GOLGA3: variants seen among roughly 807,000 people sequenced by gnomAD.
The protein encoded by GOLGA3 is golgin subfamily A member 3.
A neutral mutation model predicts 169.4 loss-of-function variants in GOLGA3; 75 were observed. The ratio of observed to expected loss-of-function variants is 0.44; its 90% confidence interval spans 0.37 to 0.54. The LOEUF (loss-of-function observed/expected upper bound fraction) is 0.54. Among genes scored for constraint, GOLGA3 ranks in the 20% least tolerant of loss-of-function variants. GOLGA3 has a pLI of 0.00. For synonymous variants in GOLGA3, 824 were observed against 822.4 expected (o/e 1.00, Z -0.03); for missense variants, 1,899 against 1,930.0 (o/e 0.98, Z 0.30).
intron 22 of GOLGA3, 157 bp downstream of exon 22, chr12:132,774,984 C>T (rs2045140627): frequency 1.7e-6 from 1 of 599,136 alleles, no homozygotes. Flanking sequence ...GAAATGATTT[C>T]ATCTGTCACC....
chr12:132,776,738 C>G lies in GOLGA3; in HGVS notation c.3874G>C (p.Glu1292Gln). Residue 1292 changes from glutamate (E) to glutamine (Q), a missense_variant, in exon 21 of 24, where the codon GAG becomes CAG. Transcript: ENST00000450791. ...GNQEMENLKWEVDQKEREIQS... is the reference protein window; with the variant it reads ...GNQEMENLKWQVDQKEREIQS... ...ATTTCTCTTTCTTTCTGATCCACCT[C>G]CCATTTGAGATTTTCCATCTAAAGA... 1 of 1,614,088 alleles carries G rather than the reference C, an allele frequency of 6.2e-7. No individual in the cohort carries two copies. The highest frequency in any genetic ancestry group is 8.5e-7 in the Non-Finnish European group (1 of 1,180,022).
intron 8 of GOLGA3, among the ~76,000 whole-genome samples, chr12:132,801,510 C>A (rs1402168880): frequency 6.6e-6 from 1 of 152,066 alleles, no homozygotes; most frequent in Non-Finnish European, 1.5e-5. Flanking sequence ...GTCACCATGC[C>A]CAGCAAGAGA....
chr12:132,824,574 C>G (rs778017228), intron 1 of GOLGA3, among the ~76,000 whole-genome samples: 8 of 152,154 alleles, frequency 5.3e-5, no homozygotes, highest in Non-Finnish European at 1.2e-4. Flanking sequence ...GTGCCTGGCA[C>G]ATAAAAATAT....
In GOLGA3 at chr12:132,804,187, G is replaced by A. The variant is rs1464858538; in HGVS notation, c.1597+529C>T. ...GCACTGCATCCAGGGAGAAAAGGTT[G>A]CCAGACGGACAGTCAAGGAGCTGTT... On this transcript the variant is annotated intron_variant, in intron 7 of 23. Transcript: ENST00000450791. The surrounding 1 kb of genome is among the most constrained non-coding windows in gnomAD (Gnocchi z 4.1). Among the ~76,000 whole-genome samples the A allele has an allele frequency of 6.6e-6, 1 of 152,224 alleles. No homozygotes were observed. The highest frequency in any genetic ancestry group is 2.4e-5 in the African/African-American group (1 of 41,448).
chr12:132,807,543 A>C (rs774096977), intron 5 of GOLGA3, among the ~76,000 whole-genome samples: 3 of 152,220 alleles, frequency 2.0e-5, no homozygotes, highest in Non-Finnish European at 4.4e-5. Flanking sequence ...TGACAAGTCT[A>C]TGTAAACGGG....
At chr12:132,803,074 C>T (rs1566114004) in intron 7 of GOLGA3, among the ~76,000 whole-genome samples, 1 of 54,248 alleles carries the variant, frequency 1.8e-5, no homozygotes, top group African/African-American at 5.5e-5. Context: ...AACAAAACAA[C>T]AACAACAACA....
chr12:132,780,993 ACACACGCCACATCACAGG>A, intron 17 of GOLGA3, 79 bp from the exon 18 acceptor site: 1 of 985,434 alleles, frequency 1.0e-6, no homozygotes. Context: ...AGGCAACGTG[ACACACGCCACATCACAGG>A]CACACGCCAG....
At chr12:132,786,652 CA>C (rs375482894) in intron 14 of GOLGA3, 40 bp downstream of exon 14, 3 of 1,479,874 alleles carry the variant, frequency 2.0e-6, no homozygotes, top group South Asian at 1.1e-5. Context: ...CCGCACCTCC[CA>C]CCTGGCCCCC....
intron 10 of GOLGA3, 70 bp downstream of exon 10, chr12:132,796,469 T>C (rs1367108881): frequency 3.3e-6 from 5 of 1,503,212 alleles, no homozygotes; most frequent in Non-Finnish European, 4.5e-6. Flanking sequence ...CTCGGTCTCC[T>C]TGTGTGCAGT....
Position 132,804,644 on chromosome 12 carries a change from C to A in GOLGA3, c.1597+72G>T, listed in dbSNP as rs1593328793. On this transcript the variant is annotated intron_variant, in intron 7 of 23. Transcript: ENST00000450791. This position sits in a 1 kb window ranked among gnomAD's most constrained non-coding sequence, Gnocchi z 4.1. ...GGGAAGGAGGAGGGCGTGGCGGGGG[C>A]CAGTCGAGGAAGGAGGAGGGAGCAG... 5.5e-6 allele frequency: 7 copies of A among 1,279,698 alleles called. No homozygotes were observed. In the Admixed American group the frequency reaches 1.2e-4, roughly 23 times the overall value. 79.3% of individuals were successfully genotyped at this position (1,279,698 alleles called of 1,614,324 possible). A position where few individuals can be genotyped will look rare whatever the true frequency, so the allele number is the denominator to read the frequency against.
rs923907031 is a variant in GOLGA3, at chr12:132,804,062, G to A, written c.1597+654C>T. Among the ~76,000 whole-genome samples, 2 of 152,204 alleles carry A rather than the reference G, an allele frequency of 1.3e-5. No individual in the cohort carries two copies. The highest frequency in any genetic ancestry group is 4.8e-5 in the African/African-American group (2 of 41,458). ...CGGGCGGGGACTGAGGGGGTGGAAG[G>A]CGTGCTGCCAAGCCACATGGAAGCC... On this transcript the variant is annotated intron_variant, in intron 7 of 23. Transcript: ENST00000450791. The surrounding 1 kb of genome is among the most constrained non-coding windows in gnomAD (Gnocchi z 4.1).
Position 132,796,087 on chromosome 12 carries a change from G to A in GOLGA3, c.2234C>T (p.Thr745Ile). 6.2e-7 allele frequency: 1 copy of A among 1,613,134 alleles called. No homozygotes were observed. The highest frequency in any genetic ancestry group is 1.1e-5 in the South Asian group (1 of 91,086). The change falls in exon 11 of 24, where the codon ACA becomes ATA. Residue 745 changes from threonine to isoleucine, a missense_variant. Thr to Ile is a moderately conservative substitution (Grantham distance 89). Coordinates refer to ENST00000450791, the MANE Select transcript of GOLGA3 (RefSeq NM_001389683.1). ...CCTGGCCTGCAGCTCATCGTAGTGT[G>A]TCTGCAGGGCATCGAGGGACTGCTC... Reference protein sequence around the residue: ...SREQSLDALQTHYDELQARLG... With the variant: ...SREQSLDALQIHYDELQARLG...
intron 15 of GOLGA3, among the ~76,000 whole-genome samples, chr12:132,784,748 C>T (rs2045804960): frequency 6.8e-6 from 1 of 146,368 alleles, no homozygotes; most frequent in Non-Finnish European, 1.5e-5. Context: ...CACGCACATG[C>T]TCACACCCCA....
rs1383478330 is a variant in GOLGA3, at chr12:132,773,228, G to C, written c.4374C>G (p.Ser1458=). ...TGGCTGGCTCCAGCGGCGTCCACGA[G>C]GACAGAGACTCGTGCACCGTCAGGG... The part of the protein sequence containing the change: ...EHALTVHESL[S]SWTPLEPATA... Residue 1458 remains serine (S), a synonymous_variant, in exon 24 of 24, where the codon TCC becomes TCG. Transcript: ENST00000450791. The C allele has an allele frequency of 1.3e-6, 2 of 1,566,210 alleles. No individual in the cohort carries two copies. The highest frequency in any genetic ancestry group is 1.8e-5 in the Admixed American group (1 of 54,926).
intron 2 of GOLGA3, among the ~76,000 whole-genome samples, chr12:132,820,526 G>A (rs941519062): frequency 3.3e-5 from 5 of 152,164 alleles, no homozygotes; most frequent in Admixed American, 6.5e-5. Context: ...TATGTAGCAA[G>A]GACCAGCAAA....
intron 18 of GOLGA3, among the ~76,000 whole-genome samples, chr12:132,780,248 G>A (rs1007641075): frequency 5.3e-5 from 8 of 152,252 alleles, no homozygotes; most frequent in South Asian, 2.1e-4. Flanking sequence ...CACGGCAAGC[G>A]TACTAGGAGT....
At chr12:132,823,459 G>C (rs993183682) in intron 1 of GOLGA3, among the ~76,000 whole-genome samples, 3 of 152,196 alleles carry the variant, frequency 2.0e-5, no homozygotes, top group South Asian at 4.1e-4. Flanking sequence ...TTCGCCTCTA[G>C]CTTACAAATC....
intron 7 of GOLGA3, among the ~76,000 whole-genome samples, chr12:132,803,685 A>G (rs1057253663): frequency 6.6e-6 from 1 of 152,124 alleles, no homozygotes; most frequent in African/African-American, 2.4e-5. Flanking sequence ...TCTCTTTCCT[A>G]GTATTAGAAT....
At chr12:132,811,551 C>G (rs73489122) in intron 4 of GOLGA3, among the ~76,000 whole-genome samples, 2 of 151,632 alleles carry the variant, frequency 1.3e-5, no homozygotes, top group East Asian at 3.9e-4. Flanking sequence ...ACCTCTGCCG[C>G]CTGGGTTCAA....
Sources: gnomAD v4.1 joint callset for allele counts (sites outside exome capture counted in the v4.1 genomes callset) on GRCh38, gnomAD v4.1.1 for gene constraint, Gnocchi (gnomAD v3.1) non-coding constraint, MANE v1.5 for transcripts, NCBI Gene and HGNC (gene_info 2026-07-23, HGNC 2026-07-21) for gene names.